TRERF1: variants seen among roughly 807,000 people sequenced by gnomAD.
TRERF1 encodes transcriptional regulating factor 1.
Under a neutral mutation model 122.9 loss-of-function variants are expected in TRERF1, and 27 were observed. The ratio of observed to expected loss-of-function variants is 0.22; its 90% CI spans 0.16 to 0.30. The LOEUF (loss-of-function observed/expected upper bound fraction) is 0.30, where lower values mean the gene tolerates loss of function less well. TRERF1 is among the 10% of genes least tolerant of loss of function. TRERF1 has a pLI of 1.00. For missense variants in TRERF1, 1,248 were observed against 1,560.3 expected, an observed-to-expected ratio of 0.80 and a Z score of 3.37; for synonymous variants, 636 against 641.7, an observed-to-expected ratio of 0.99 and a Z score of 0.13.
At chr6:42,396,896 T>C (rs111465910) in intron 2 of TRERF1, among the ~76,000 whole-genome samples, 5,331 of 152,176 alleles carry the variant, frequency 0.035, 314 homozygotes, top group African/African-American at 0.12. Context: ...TCTAGGCCCC[T>C]GTACACACCC....
chr6:42,267,252 T>C (rs1779378764), intron 5 of TRERF1, among the ~76,000 whole-genome samples: 1 of 152,126 alleles, frequency 6.6e-6, no homozygotes, highest in African/African-American at 2.4e-5. Context: ...GAGGATCGTT[T>C]GAGCCCAGGA....
Position 42,268,197 on chromosome 6 carries a change from C to T in TRERF1, c.1394G>A (p.Gly465Glu), listed in dbSNP as rs781193016. 76 of 1,469,880 alleles carry T rather than the reference C, an allele frequency of 5.2e-5. No individual in the cohort carries two copies. The South Asian group carries it at 6.2e-4, about 12-fold the overall frequency. The allele number at this position is 1,469,880 out of a possible 1,614,324, so 91.1% of individuals were successfully genotyped here. A position where few individuals can be genotyped will look rare whatever the true frequency, so the allele number is the denominator to read the frequency against. The change falls in exon 5 of 18, where the codon GGG (glycine) becomes GAG (glutamate). Residue 465 changes from glycine (G) to glutamate (E), a missense_variant. Physicochemically the swap from Gly to Glu is moderately conservative, Grantham distance 98. Around this residue, in one of 5 missense-constraint regions of TRERF1, gnomAD observed 946 missense variants for 1,073.0 expected, o/e 0.88. Transcript: ENST00000372922. The surrounding 1 kb of genome is among the most constrained non-coding windows in gnomAD (Gnocchi z 4.4). Reference sequence around the variant, plus strand: ...GGGAGACAGCTGCTGATGCTGAGGCCCCATGTTGTTGAGGTGGATCCCACT... The same window carrying T: ...GGGAGACAGCTGCTGATGCTGAGGCTCCATGTTGTTGAGGTGGATCCCACT...
intron 2 of TRERF1, among the ~76,000 whole-genome samples, chr6:42,389,142 T>C (rs1777290142): frequency 6.6e-6 from 1 of 152,172 alleles, no homozygotes; most frequent in African/African-American, 2.4e-5. Flanking sequence ...TAGCTTTTCT[T>C]TAAAATAGCC....
At chr6:42,374,195 A>G (rs917100374) in intron 2 of TRERF1, among the ~76,000 whole-genome samples, 2 of 150,592 alleles carry the variant, frequency 1.3e-5, no homozygotes, top group Admixed American at 1.3e-4. Context: ...AGAGCCTGCT[A>G]AGCCTTAGAA....
intron 2 of TRERF1, among the ~76,000 whole-genome samples, chr6:42,412,644 G>T (rs1234883337): frequency 1.3e-5 from 2 of 152,180 alleles, no homozygotes; most frequent in African/African-American, 4.8e-5. Context: ...CAGCTCAGTG[G>T]TGGGGCATGA....
rs534167569 is a variant in TRERF1 at position 42,258,621 on chromosome 6, C to T, written c.2270-420G>A. Among the ~76,000 whole-genome samples, 210 of 152,332 alleles carry T rather than the reference C, an allele frequency of 1.4e-3. 1 individual carries two copies. The highest frequency in any genetic ancestry group is 1.9e-3 in the Non-Finnish European group (131 of 68,026). ...ACGGAGTCTCGCTCCTTCGCCCAGGCGGGAGTGCTGTGGCGCGATGTCGGC... is the reference window on the plus strand; with the variant it reads ...ACGGAGTCTCGCTCCTTCGCCCAGGTGGGAGTGCTGTGGCGCGATGTCGGC... On this transcript the variant is annotated intron_variant, in intron 9 of 17. Coordinates refer to ENST00000372922, the Ensembl canonical transcript of TRERF1.
rs200576323 is a variant in TRERF1 at position 42,434,578 on chromosome 6, G to GA, written c.-454+16598dup. Among the ~76,000 whole-genome samples the GA allele has an allele frequency of 3.6e-3, 523 of 143,644 alleles. 1 individual carries two copies. The highest frequency in any genetic ancestry group is 7.4e-3 in the Middle Eastern group (2 of 272). 94.2% of individuals were successfully genotyped at this position (143,644 alleles called of 152,430 possible). A position where few individuals can be genotyped will look rare whatever the true frequency, so the allele number is the denominator to read the frequency against. On this transcript the variant is annotated intron_variant, in intron 2 of 17. Transcript: ENST00000372922. ...GGTGAATAAAGATTTTTTTCCAGGG[G>GA]AAAAAAATCTCCCAAATATGAAGGT...
intron 3 of TRERF1, among the ~76,000 whole-genome samples, chr6:42,314,099 G>T (rs1762117465): frequency 6.6e-6 from 1 of 152,012 alleles, no homozygotes; most frequent in Admixed American, 6.5e-5. Flanking sequence ...GTGCCATAGT[G>T]GTGGTCCTGA....
intron 10 of TRERF1, 29 bp from the exon 11 acceptor site, chr6:42,257,131 T>C (rs1382187227): frequency 7.4e-6 from 12 of 1,611,922 alleles, no homozygotes; most frequent in Admixed American, 3.4e-5. Context: ...AAAACAACAA[T>C]GTGGTCTTCA....
chr6:42,362,474 C>G (rs77078597), intron 3 of TRERF1, among the ~76,000 whole-genome samples: 2 of 152,206 alleles, frequency 1.3e-5, no homozygotes, highest in African/African-American at 2.4e-5. Flanking sequence ...ACCCTTGAAA[C>G]AGCTTGTGGG....
At chr6:42,256,558 A>G (rs759891150) in intron 12 of TRERF1, among the ~76,000 whole-genome samples, 170 bp downstream of exon 12, 5 of 152,102 alleles carry the variant, frequency 3.3e-5, no homozygotes, top group Admixed American at 6.5e-5. Flanking sequence ...TTTTCTACAG[A>G]CTTTAACATC....
At chr6:42,380,438 C>G (rs1275735232) in intron 2 of TRERF1, among the ~76,000 whole-genome samples, 1 of 152,190 alleles carries the variant, frequency 6.6e-6, no homozygotes, top group East Asian at 1.9e-4. Context: ...CAGGCTGAAG[C>G]CCAGCATAGC....
At chr6:42,356,983 G>A (rs1008862695) in intron 3 of TRERF1, among the ~76,000 whole-genome samples, 6 of 152,132 alleles carry the variant, frequency 3.9e-5, no homozygotes, top group African/African-American at 9.7e-5. Flanking sequence ...GTCGTCTGCC[G>A]TGGAGCAAGA....
At chr6:42,445,353 GACAC>G (rs57862861) in intron 2 of TRERF1, among the ~76,000 whole-genome samples, 4,282 of 86,584 alleles carry the variant, frequency 0.049, 144 homozygotes, top group South Asian at 0.12. Context: ...TACACACACA[GACAC>G]ACACACACAC....
rs186631723 is a variant in TRERF1 at position 42,353,682 on chromosome 6, G to C, written c.-371+9315C>G. ...TACATTATGATATATGTGTGTTTGT[G>C]TATTCATGTACTGAAACAATGTACA... On this transcript the variant is annotated intron_variant, in intron 3 of 17. Coordinates refer to ENST00000372922, the Ensembl canonical transcript of TRERF1. Among the ~76,000 whole-genome samples, 776 of 152,250 alleles carry C rather than the reference G, an allele frequency of 5.1e-3. 8 individuals carry two copies. The highest frequency in any genetic ancestry group is 0.023 in the South Asian group (113 of 4,830).
At chr6:42,316,832 C>A (rs565196284) in intron 3 of TRERF1, among the ~76,000 whole-genome samples, 10 of 152,126 alleles carry the variant, frequency 6.6e-5, no homozygotes, top group African/African-American at 2.4e-4. Flanking sequence ...CCTCCACCGC[C>A]CCCAGCTTGC....
intron 2 of TRERF1, among the ~76,000 whole-genome samples, chr6:42,376,039 G>C (rs1423300575): frequency 6.6e-6 from 1 of 152,074 alleles, no homozygotes; most frequent in Non-Finnish European, 1.5e-5. Context: ...CTGGGTCTGG[G>C]GGAAACTGCT....
intron 15 of TRERF1, among the ~76,000 whole-genome samples, chr6:42,240,092 C>T (rs1029366045): frequency 1.3e-4 from 20 of 152,214 alleles, no homozygotes; most frequent in African/African-American, 2.7e-4. Context: ...CAGTCCGAGA[C>T]GGTGCCTCTG....
intron 2 of TRERF1, among the ~76,000 whole-genome samples, chr6:42,396,556 C>G (rs768554667): frequency 6.6e-6 from 1 of 152,060 alleles, no homozygotes; most frequent in Non-Finnish European, 1.5e-5. Flanking sequence ...TTTATTGTAA[C>G]AGTATGGCTG....
Sources: gnomAD v4.1 joint callset for allele counts (sites outside exome capture counted in the v4.1 genomes callset) on GRCh38, gnomAD v4.1.1 for gene constraint, gnomAD v4.1.1 regional missense constraint, Gnocchi (gnomAD v3.1) non-coding constraint, MANE v1.5 for transcripts, NCBI Gene and HGNC (gene_info 2026-07-23, HGNC 2026-07-21) for gene names.